Variants in PIK3R3 observed in about 807,000 individuals in gnomAD.
PIK3R3 encodes the protein phosphatidylinositol 3-kinase regulatory subunit gamma.
A neutral mutation model predicts 62.9 loss-of-function variants in PIK3R3; 64 were observed. The ratio of observed to expected loss-of-function variants is 1.02; its 90% CI spans 0.83 to 1.25. The LOEUF (loss-of-function observed/expected upper bound fraction) is 1.25. Ranked by LOEUF, PIK3R3 falls within the 50% of genes most tolerant of loss-of-function variation. The pLI, the probability that PIK3R3 is intolerant of heterozygous loss-of-function variation, is 0.00. For synonymous variants in PIK3R3, 165 were observed against 189.0 expected, an observed-to-expected ratio of 0.87 and a Z score of 1.04; for missense variants, 614 against 561.6, an observed-to-expected ratio of 1.09 and a Z score of -0.94.
Position 46,041,831 on chromosome 1 carries a change from C to G in PIK3R3, c.*1842G>C, listed in dbSNP as rs187434936. The G allele has an allele frequency of 3.8e-5, 8 of 212,350 alleles. No homozygotes were observed. The highest frequency in any genetic ancestry group is 5.7e-5 in the Non-Finnish European group (6 of 104,760). 13.2% of individuals were successfully genotyped at this position (212,350 alleles called of 1,614,324 possible). On this transcript the variant is annotated 3_prime_UTR_variant, in exon 10 of 10. Transcript: ENST00000262741. ...AAACTGCAGTGTAACCAAGAAAAAGCCAAAGAGAAGCACTTCCCTTTCTAT... is the reference window on the plus strand; with the variant it reads ...AAACTGCAGTGTAACCAAGAAAAAGGCAAAGAGAAGCACTTCCCTTTCTAT...
At chr1:46,144,487 CG>C in the PIK3R3 span, among the ~76,000 whole-genome samples, 1 of 152,136 alleles carries the variant, frequency 6.6e-6, no homozygotes, top group African/African-American at 2.4e-5. Flanking sequence ...ACTCAATCCT[CG>C]GCCAGGTGCG....
At chr1:46,097,219 T>C (rs576964054) in intron 1 of PIK3R3, among the ~76,000 whole-genome samples, 2 of 152,196 alleles carry the variant, frequency 1.3e-5, no homozygotes, top group South Asian at 2.1e-4. Flanking sequence ...AGCATAATCA[T>C]CTCAACAGAT....
the PIK3R3 span, among the ~76,000 whole-genome samples, chr1:46,155,748 C>A: frequency 6.6e-6 from 1 of 152,172 alleles, no homozygotes; most frequent in Non-Finnish European, 1.5e-5. Flanking sequence ...AGGTGTGAGC[C>A]ACCATGCCCA....
the PIK3R3 span, among the ~76,000 whole-genome samples, chr1:46,145,187 T>C: frequency 6.6e-6 from 1 of 151,746 alleles, no homozygotes; most frequent in Non-Finnish European, 1.5e-5. Context: ...CTTAGAGTTC[T>C]GACAAAACAT....
chr1:46,143,176 G>A, the PIK3R3 span, among the ~76,000 whole-genome samples: 6 of 152,134 alleles, frequency 3.9e-5, no homozygotes, highest in African/African-American at 4.8e-5. Flanking sequence ...TCGCTTCTGC[G>A]TGTGATTCAT....
the PIK3R3 span, among the ~76,000 whole-genome samples, chr1:46,153,266 G>A: frequency 1.3e-5 from 2 of 152,164 alleles, no homozygotes; most frequent in African/African-American, 4.8e-5. Context: ...ACTCTAGGAT[G>A]AGCACCCACT....
chr1:46,144,038 C>T, the PIK3R3 span, among the ~76,000 whole-genome samples: 1 of 152,154 alleles, frequency 6.6e-6, no homozygotes, highest in East Asian at 1.9e-4. Context: ...TCAATTTGTA[C>T]ATGACTGTGT....
At chr1:46,152,081 A>G in the PIK3R3 span, among the ~76,000 whole-genome samples, 1 of 152,292 alleles carries the variant, frequency 6.6e-6, no homozygotes, top group South Asian at 2.1e-4. Context: ...TCTGCCTTCT[A>G]TAAGAGTTTC....
Position 46,041,991 on chromosome 1 carries a change from T to C in PIK3R3, c.*1682A>G, listed in dbSNP as rs1647005910. On this transcript the variant is annotated 3_prime_UTR_variant, in exon 10 of 10. Coordinates refer to ENST00000262741, the MANE Select transcript of PIK3R3 (RefSeq NM_003629.4). The stretch of plus-strand genomic sequence containing the variant: ...TTTCTTTCACCCCCAGAACTAGAGC[T>C]TTCCTAGCTGTAAGCCTTATAAACC... 9.0e-6 allele frequency: 2 copies of C among 221,520 alleles called. No homozygotes were observed. The highest frequency in any genetic ancestry group is 3.7e-4 in the South Asian group (2 of 5,438). The allele number at this position is 221,520 out of a possible 1,614,324, so 13.7% of individuals were successfully genotyped here.
At position 46,132,120 on chromosome 1, in the gene PIK3R3, C is replaced by T. The variant is rs537158024; in HGVS notation, c.-168G>A. Reference sequence around the variant, plus strand: ...CCAAACTACCCGAACAGGGTCCTCCCCCTCTCTCCTACAGAACACAACAAA... The same window carrying T: ...CCAAACTACCCGAACAGGGTCCTCCTCCTCTCTCCTACAGAACACAACAAA... On this transcript the variant is annotated 5_prime_UTR_variant, in exon 1 of 10. Transcript: ENST00000262741. 1.6e-5 allele frequency: 22 copies of T among 1,410,142 alleles called. No individual in the cohort carries two copies. The highest frequency in any genetic ancestry group is 2.0e-5 in the Non-Finnish European group (22 of 1,086,370). The allele number at this position is 1,410,142 out of a possible 1,614,324, so 87.4% of individuals were successfully genotyped here.
At chr1:46,099,458 T>A (rs1297644974) in intron 1 of PIK3R3, among the ~76,000 whole-genome samples, 1 of 152,192 alleles carries the variant, frequency 6.6e-6, no homozygotes, top group Non-Finnish European at 1.5e-5. Context: ...AATTCCCTTA[T>A]TTTTCCCCAG....
intron 1 of PIK3R3, among the ~76,000 whole-genome samples, chr1:46,100,925 T>C (rs549617875): frequency 3.9e-5 from 6 of 152,276 alleles, no homozygotes; most frequent in East Asian, 3.9e-4. Context: ...CTGTGGCTCA[T>C]GCATGTAATC....
the PIK3R3 span, among the ~76,000 whole-genome samples, chr1:46,166,687 A>G: frequency 6.6e-6 from 1 of 152,028 alleles, no homozygotes; most frequent in Non-Finnish European, 1.5e-5. Flanking sequence ...TAGTGAGCCC[A>G]CTTCGCTTCC....
rs567975497 is a variant in PIK3R3 at position 46,043,146 on chromosome 1, A to T, written c.*527T>A. The T allele has an allele frequency of 4.3e-6, 1 of 230,874 alleles. No homozygotes were observed. Among genetic ancestry groups the T allele is most frequent in the South Asian group, 1.8e-4 (1 of 5,506 alleles). The allele number at this position is 230,874 out of a possible 1,614,324, so 14.3% of individuals were successfully genotyped here. ...TATCATCTTGGCTTAGATTATTTAA[A>T]TGAAATCCCAAGCCTCCCCATTTTC... On this transcript the variant is annotated 3_prime_UTR_variant, in exon 10 of 10. Transcript: ENST00000262741.
chr1:46,164,230 T>A, the PIK3R3 span, among the ~76,000 whole-genome samples: 1 of 152,060 alleles, frequency 6.6e-6, no homozygotes, highest in Admixed American at 6.6e-5. Flanking sequence ...TCCTGCTCCC[T>A]GTCTCAGTGA....
At chr1:46,119,641 T>C (rs1654486170) in intron 1 of PIK3R3, among the ~76,000 whole-genome samples, 1 of 152,134 alleles carries the variant, frequency 6.6e-6, no homozygotes, top group African/African-American at 2.4e-5. Flanking sequence ...AGTATTCCAT[T>C]TTTTTGTTTT....
chr1:46,080,599 CTT>C, intron 2 of PIK3R3, 41 bp downstream of exon 2: 1 of 1,334,514 alleles, frequency 7.5e-7, no homozygotes, highest in African/African-American at 1.4e-5. Context: ...TCAAAAATGA[CTT>C]TTTAAAAAAC....
the PIK3R3 span, among the ~76,000 whole-genome samples, chr1:46,174,832 C>G: frequency 1.3e-5 from 2 of 152,164 alleles, no homozygotes; most frequent in Non-Finnish European, 2.9e-5. Flanking sequence ...CTGGAAAACA[C>G]TGACCTCAGA....
chr1:46,124,679 C>T (rs1261215229), intron 1 of PIK3R3, among the ~76,000 whole-genome samples: 1 of 151,826 alleles, frequency 6.6e-6, no homozygotes, highest in African/African-American at 2.4e-5. Flanking sequence ...GCCTGTAATC[C>T]CAGCTACTTG....
Sources: allele counts gnomAD v4.1 joint callset (sites outside exome capture counted in the v4.1 genomes callset), GRCh38; gene constraint gnomAD v4.1.1; transcripts MANE v1.5; gene names NCBI Gene and HGNC (gene_info 2026-07-23, HGNC 2026-07-21).